STON1: variants seen among roughly 807,000 people sequenced by gnomAD.
STON1 encodes the protein stonin 1, also known as stonin-1.
Under a neutral mutation model 60.9 loss-of-function variants are expected in STON1, and 79 were observed. The ratio of observed to expected loss-of-function variants is 1.30; its 90% CI spans 1.08 to 1.56. The LOEUF is 1.56. STON1 is among the 40% of genes most tolerant of loss of function. The probability of loss-of-function intolerance (pLI) is 0.00; values close to 1 mark genes in which losing one functional copy is unlikely to be tolerated. For missense variants in STON1, 1,166 were observed against 858.9 expected (o/e 1.36, Z -4.47); for synonymous variants, 363 against 306.9 (o/e 1.18, Z -1.91).
intron 1 of STON1, among the ~76,000 whole-genome samples, chr2:48,566,472 G>C (rs1034294385): frequency 6.6e-6 from 1 of 151,492 alleles, no homozygotes. Flanking sequence ...TAGTAGAGAC[G>C]GGGTTTCACC....
intron 1 of STON1, among the ~76,000 whole-genome samples, chr2:48,574,768 T>C (rs1389869640): frequency 6.6e-6 from 1 of 152,246 alleles, no homozygotes; most frequent in Non-Finnish European, 1.5e-5. Flanking sequence ...CTCCTGTGTT[T>C]TTCACAATAC....
At chr2:48,533,892 C>T (rs978882951) in intron 1 of STON1, among the ~76,000 whole-genome samples, 3 of 151,644 alleles carry the variant, frequency 2.0e-5, no homozygotes, top group African/African-American at 7.3e-5. Flanking sequence ...GCCTCAGCCA[C>T]CCGAGTACCT....
rs114937938 is a variant in STON1, at chr2:48,568,593, G to A, written c.-47-11994G>A. Among the ~76,000 whole-genome samples, 585 of 152,078 alleles carry A rather than the reference G, an allele frequency of 3.8e-3. 4 individuals are homozygous for A. Among genetic ancestry groups the A allele is most frequent in the African/African-American group, 0.013 (547 of 41,432 alleles). Reference sequence around the variant, plus strand: ...GGAATCGCCACTAAAAGAGAGGCAGGGCACCTAAATCTATTTATTAGACAA... The same window carrying A: ...GGAATCGCCACTAAAAGAGAGGCAGAGCACCTAAATCTATTTATTAGACAA... On this transcript the variant is annotated intron_variant, in intron 1 of 3. Transcript: ENST00000404752.
At chr2:48,541,070 C>T (rs751987504) in intron 1 of STON1, among the ~76,000 whole-genome samples, 21 of 152,178 alleles carry the variant, frequency 1.4e-4, no homozygotes, top group Non-Finnish European at 2.9e-4. Flanking sequence ...TTATTTTGGG[C>T]CGGGCACAGT....
rs74569525 is a variant in STON1, at chr2:48,595,139, C to T, written c.2134-89C>T. ...GTCCAAAGGGTGAGGTTTGTGCAGT[C>T]TGTGCCACATGTATAAAATAGGACT... On this transcript the variant is annotated intron_variant, in intron 3 of 3. Coordinates refer to ENST00000404752, the MANE Select transcript of STON1 (RefSeq NM_006873.4). 4,008 of 1,022,612 alleles carry T rather than the reference C, an allele frequency of 3.9e-3. 96 individuals are homozygous for T. The African/African-American group carries it at 0.052, about 13-fold the overall frequency. The allele number at this position is 1,022,612 out of a possible 1,614,324, so 63.3% of individuals were successfully genotyped here.
intron 1 of STON1, among the ~76,000 whole-genome samples, chr2:48,556,271 C>T (rs1290064952): frequency 8.1e-4 from 16 of 19,874 alleles, no homozygotes; most frequent in Non-Finnish European, 1.5e-3. Flanking sequence ...AGAGGGGCTC[C>T]TCACTTCCCA....
intron 1 of STON1, among the ~76,000 whole-genome samples, chr2:48,541,730 A>G (rs561203107): frequency 1.3e-5 from 2 of 151,402 alleles, no homozygotes; most frequent in South Asian, 4.2e-4. Flanking sequence ...AAAACCACAC[A>G]AAAAAACAGA....
intron 3 of STON1, among the ~76,000 whole-genome samples, chr2:48,592,753 G>A (rs1042544046): frequency 2.0e-4 from 30 of 151,664 alleles, no homozygotes; most frequent in African/African-American, 7.0e-4. Flanking sequence ...AAGCCACCAT[G>A]CCTAGCCTAT....
At chr2:48,592,637 T>C (rs939222672) in intron 3 of STON1, among the ~76,000 whole-genome samples, 4 of 150,124 alleles carry the variant, frequency 2.7e-5, no homozygotes, top group African/African-American at 9.7e-5. Flanking sequence ...ATTATTCTAT[T>C]TTTAGTAGAG....
At chr2:48,539,151 C>T (rs1345035031) in intron 1 of STON1, among the ~76,000 whole-genome samples, 2 of 152,194 alleles carry the variant, frequency 1.3e-5, no homozygotes, top group African/African-American at 4.8e-5. Flanking sequence ...CTCCTGTCCT[C>T]AGGTGATCCT....
At chr2:48,533,045 G>A (rs1401225791) in intron 1 of STON1, among the ~76,000 whole-genome samples, 1 of 152,092 alleles carries the variant, frequency 6.6e-6, no homozygotes, top group Non-Finnish European at 1.5e-5. Flanking sequence ...CTTGAGGCTA[G>A]GAGTTAAGAC....
At chr2:48,565,588 G>C (rs867732856) in intron 1 of STON1, among the ~76,000 whole-genome samples, 8 of 152,170 alleles carry the variant, frequency 5.3e-5, no homozygotes, top group East Asian at 3.9e-4. Context: ...CAGAATACAG[G>C]CATGGTCATA....
chr2:48,586,113 CTG>C (rs935046006), intron 2 of STON1, among the ~76,000 whole-genome samples: 1 of 152,224 alleles, frequency 6.6e-6, no homozygotes, highest in Non-Finnish European at 1.5e-5. Context: ...ATTTTTCAAA[CTG>C]AGAACCCATA....
intron 2 of STON1, among the ~76,000 whole-genome samples, chr2:48,587,703 C>T (rs1046566547): frequency 1.1e-4 from 16 of 152,136 alleles, no homozygotes; most frequent in Admixed American, 2.0e-4. Context: ...TTTGTAAAAC[C>T]GTCATATCAC....
intron 2 of STON1, among the ~76,000 whole-genome samples, chr2:48,589,892 T>C (rs1674414612): frequency 6.6e-6 from 1 of 152,244 alleles, no homozygotes; most frequent in South Asian, 2.1e-4. Flanking sequence ...TCTATATTGC[T>C]ATAGAATACT....
rs550733556 is a variant in STON1, at chr2:48,583,984, T to A, written c.1930+1421T>A. Among the ~76,000 whole-genome samples the A allele has an allele frequency of 1.2e-4, 18 of 152,012 alleles. 1 individual carries two copies. The highest frequency in any genetic ancestry group is 4.3e-4 in the African/African-American group (18 of 41,472). ...CAGGGTGGTCTCAAACTCCTGACTT[T>A]GTGATCCTCCCACCTCGGCCTCCCA... On this transcript the variant is annotated intron_variant, in intron 2 of 3. Transcript: ENST00000404752.
intron 1 of STON1, among the ~76,000 whole-genome samples, chr2:48,575,201 T>A (rs1673413422): frequency 6.6e-6 from 1 of 152,258 alleles, no homozygotes. Context: ...ATTTTCTTCC[T>A]TTTAATACTG....
chr2:48,587,442 ACCACCACG>A (rs1674275211), intron 2 of STON1, among the ~76,000 whole-genome samples: 2 of 152,242 alleles, frequency 1.3e-5, no homozygotes, highest in African/African-American at 4.8e-5. Context: ...ACAGGTGCGC[ACCACCACG>A]CCTGGCTAAT....
At chr2:48,561,393 C>T (rs145960372) in intron 1 of STON1, among the ~76,000 whole-genome samples, 71 of 152,276 alleles carry the variant, frequency 4.7e-4, no homozygotes, top group South Asian at 8.3e-4. Flanking sequence ...AGTCAGTATA[C>T]TATAGGGCAA....
Sources: gnomAD v4.1 joint callset for allele counts (sites outside exome capture counted in the v4.1 genomes callset) on GRCh38, gnomAD v4.1.1 for gene constraint, MANE v1.5 for transcripts, NCBI Gene and HGNC (gene_info 2026-07-23, HGNC 2026-07-21) for gene names.